The following PRR35 variants were observed in gnomAD, a reference collection of about 807,000 sequenced individuals.
The protein encoded by PRR35 is proline-rich protein 35.
PRR35 carries 14 observed loss-of-function variants against 18.6 expected under a neutral mutation model. The observed-to-expected ratio is 0.75, with a 90% CI of 0.50 to 1.18. PRR35 has a LOEUF of 1.18. Ranked by LOEUF, PRR35 falls within the 50% of genes most tolerant of loss-of-function variation. The pLI is 0.00. For missense variants in PRR35, 832 were observed against 792.2 expected (o/e 1.05, Z -0.60); for synonymous variants, 425 against 378.2 (o/e 1.12, Z -1.43).
Position 562,334 on chromosome 16 carries a change from C to T in PRR35, c.-39-922C>T, listed in dbSNP as rs529623840. ...CCACTCCCCACAGCCTGGCCTGGCCCCACATGAGACTGACCCCCTAAGAGA... is the reference window on the plus strand; with the variant it reads ...CCACTCCCCACAGCCTGGCCTGGCCTCACATGAGACTGACCCCCTAAGAGA... On this transcript the variant is annotated intron_variant, in intron 1 of 2. Transcript: ENST00000409413. 7.6e-4 allele frequency among the ~76,000 whole-genome samples: 116 copies of T among 152,332 alleles called. 1 individual carries two copies. In the Middle Eastern group the frequency reaches 0.01, roughly 13 times the overall value.
chr16:564,279 G>A lies in PRR35; in HGVS notation c.985G>A (p.Ala329Thr), dbSNP rs867393979. ...AGGGCAGGAGGGGGAGCTGGAGCGG[G>A]CAGCCCAGAGTGACCCCAGGAGGAG... is the stretch of plus-strand genomic sequence containing the variant. ...DPGQEGELER[A>T]AQSDPRRRLS... The change falls in exon 2 of 3, where the codon GCA (alanine) becomes ACA (threonine). Residue 329 changes from alanine to threonine, a missense_variant. Coordinates refer to ENST00000409413, the MANE Select transcript of PRR35 (RefSeq NM_145270.3). 1.9e-6 allele frequency: 3 copies of A among 1,576,688 alleles called. No homozygotes were observed. The highest frequency in any genetic ancestry group is 4.6e-5 in the East Asian group (2 of 43,568).
Position 564,139 on chromosome 16 carries a change from C to A in PRR35, c.845C>A (p.Ala282Asp). ...HTLGLPAGKA[A>D]LAKAPVSPRS... The stretch of plus-strand genomic sequence containing the variant: ...CTGGGGCTGCCAGCAGGCAAAGCTG[C>A]CCTTGCCAAGGCCCCTGTCTCCCCC... The change falls in exon 2 of 3, where the codon GCC becomes GAC. Residue 282 changes from alanine to aspartate, a missense_variant. By Grantham distance (126) the Ala-to-Asp change is moderately radical. Transcript: ENST00000409413. The A allele has an allele frequency of 6.3e-7, 1 of 1,575,524 alleles. No homozygotes were observed. The highest frequency in any genetic ancestry group is 8.6e-7 in the Non-Finnish European group (1 of 1,168,630).
At chr16:562,991 TGAC>T (rs2142109014) in intron 1 of PRR35, among the ~76,000 whole-genome samples, 1 of 151,868 alleles carries the variant, frequency 6.6e-6, no homozygotes, top group East Asian at 1.9e-4. Context: ...CACTCAGAAA[TGAC>T]GTGCTGCTGA....
intron 1 of PRR35, among the ~76,000 whole-genome samples, chr16:562,183 G>A (rs898296450): frequency 1.3e-5 from 2 of 152,246 alleles, no homozygotes; most frequent in Non-Finnish European, 2.9e-5. Flanking sequence ...GCGCCGTGTG[G>A]GGCGTGGGGA....
intron 1 of PRR35, among the ~76,000 whole-genome samples, chr16:562,857 CAG>C (rs745954440): frequency 6.6e-6 from 1 of 152,190 alleles, no homozygotes; most frequent in Non-Finnish European, 1.5e-5. Flanking sequence ...GGCCTGGCCT[CAG>C]GGGTGGGGAT....
rs1244116057 is a variant in PRR35, at chr16:563,567, C to A, written c.273C>A (p.Asp91Glu). ...TTPRPHAPTP[D>E]RPGESDPGRQ... is the part of the protein sequence containing the mutation. ...CTAGGCCCCACGCACCCACCCCAGA[C>A]CGCCCTGGGGAGTCCGACCCCGGCA... is the stretch of plus-strand genomic sequence containing the variant. The change falls in exon 2 of 3, where the codon GAC becomes GAA. Residue 91 changes from aspartate (D) to glutamate (E), a missense_variant. Physicochemically the swap from Asp to Glu is conservative, Grantham distance 45 (BLOSUM62 2). Transcript: ENST00000409413. 6.2e-7 allele frequency: 1 copy of A among 1,607,322 alleles called. No homozygotes were observed. The highest frequency in any genetic ancestry group is 1.7e-5 in the Admixed American group (1 of 59,414).
upstream of PRR35, chr16:559,851 G>A (rs2035405743): frequency 4.0e-6 from 3 of 747,740 alleles, no homozygotes; most frequent in Non-Finnish European, 4.9e-6. Context: ...GGAGGGCAGG[G>A]CTCGCCCAGG....
rs951357260 is a variant in PRR35, at chr16:563,649, G to A, written c.355G>A (p.Ala119Thr). 3.7e-5 allele frequency: 58 copies of A among 1,575,892 alleles called. No homozygotes were observed. The highest frequency in any genetic ancestry group is 1.7e-4 in the Middle Eastern group (1 of 5,890). Residue 119 changes from alanine to threonine, a missense_variant, in exon 2 of 3, where the codon GCC (alanine) becomes ACC (threonine). By Grantham distance (58) the Ala-to-Thr change is moderately conservative. Coordinates refer to ENST00000409413, the MANE Select transcript of PRR35 (RefSeq NM_145270.3). ...TGCCCCCGCGCCTGACCTCGTGGTC[G>A]CCGACATCCACTCCCTGCACTGTGG... ...GAAPAPDLVVADIHSLHCGGG... is the reference protein window; with the variant it reads ...GAAPAPDLVVTDIHSLHCGGG...
chr16:562,091 G>C lies in PRR35; in HGVS notation c.-39-1165G>C, dbSNP rs556660568. Reference sequence around the variant, plus strand: ...ACACCCAAAGCCCGTGTGCGCAGGCGTGCTGTGCACCCCACACAGGCGCGT... The same window carrying C: ...ACACCCAAAGCCCGTGTGCGCAGGCCTGCTGTGCACCCCACACAGGCGCGT... On this transcript the variant is annotated intron_variant, in intron 1 of 2. Transcript: ENST00000409413. 2.6e-5 allele frequency among the ~76,000 whole-genome samples: 4 copies of C among 152,376 alleles called. 1 individual carries two copies. The South Asian group carries it at 8.3e-4, about 32-fold the overall frequency.
chr16:564,652 C>G (rs996231588), intron 2 of PRR35, 22 bp from the exon 3 acceptor site: 53 of 1,508,242 alleles, frequency 3.5e-5, no homozygotes, highest in Non-Finnish European at 4.6e-5. Flanking sequence ...GTGCGGCCTC[C>G]TGACCAGCTT....
chr16:560,897 C>T (rs1405283316), intron 1 of PRR35, among the ~76,000 whole-genome samples: 1 of 150,500 alleles, frequency 6.6e-6, no homozygotes. Context: ...TGACCTCGCG[C>T]TCGCCGCACC....
At chr16:563,144 G>A in intron 1 of PRR35, 112 bp from the exon 2 acceptor site, 1 of 1,087,764 alleles carries the variant, frequency 9.2e-7, no homozygotes, top group East Asian at 2.7e-5. Flanking sequence ...AGAGGCGGCG[G>A]GGTGGGGGGA....
rs773611966 is a variant in PRR35 at position 564,917 on chromosome 16, G to A, written c.1326G>A (p.Lys442=). Residue 442 remains lysine, a synonymous_variant, in exon 3 of 3, where the codon AAG becomes AAA. Transcript: ENST00000409413. The part of the protein sequence containing the change: ...APRPLREQLG[K]IRLELLTIHQ... ...GACCCCTGCGGGAGCAGCTGGGCAA[G>A]ATCCGCCTGGAGCTGCTCACCATTC... 2 of 1,598,740 alleles carry A rather than the reference G, an allele frequency of 1.3e-6. No homozygotes were observed. Among genetic ancestry groups the A allele is most frequent in the South Asian group, 2.2e-5 (2 of 89,440 alleles).
intron 1 of PRR35, among the ~76,000 whole-genome samples, chr16:562,021 G>A (rs2035441705): frequency 6.6e-6 from 1 of 152,220 alleles, no homozygotes; most frequent in South Asian, 2.1e-4. Context: ...TGGCTTCTCC[G>A]GGCACTGGGT....
At position 565,140 on chromosome 16, in the gene PRR35, A is replaced by G; in HGVS notation, c.1549A>G (p.Thr517Ala). 6.2e-7 allele frequency: 1 copy of G among 1,608,458 alleles called. No homozygotes were observed. Among genetic ancestry groups the G allele is most frequent in the South Asian group, 1.1e-5 (1 of 90,474 alleles). Residue 517 changes from threonine (T) to alanine (A), a missense_variant, in exon 3 of 3, where the codon ACC becomes GCC. Physicochemically the swap from Thr to Ala is moderately conservative, Grantham distance 58. This residue lies in a region of PRR35 where 768 missense variants were observed against 704.1 expected (regional missense o/e 1.09). Transcript: ENST00000409413. ...AAPQPFSGHTTKCEADSSVPP... is the reference protein window; with the variant it reads ...AAPQPFSGHTAKCEADSSVPP... ...GCCCCAACCCTTCTCTGGCCACACC[A>G]CCAAGTGTGAGGCCGACTCCAGCGT...
chr16:563,558 C>T lies in PRR35; in HGVS notation c.264C>T (p.Pro88=). 1 of 1,608,658 alleles carries T rather than the reference C, an allele frequency of 6.2e-7. No homozygotes were observed. Among genetic ancestry groups the T allele is most frequent in the Non-Finnish European group, 8.5e-7 (1 of 1,178,390 alleles). ...RGSTTPRPHA[P]TPDRPGESDP... ...CCACCACGCCTAGGCCCCACGCACCCACCCCAGACCGCCCTGGGGAGTCCG... is the reference window on the plus strand; with the variant it reads ...CCACCACGCCTAGGCCCCACGCACCTACCCCAGACCGCCCTGGGGAGTCCG... Residue 88 remains proline, a synonymous_variant, in exon 2 of 3, where the codon CCC becomes CCT. Coordinates refer to ENST00000409413, the MANE Select transcript of PRR35 (RefSeq NM_145270.3).
intron 1 of PRR35, among the ~76,000 whole-genome samples, chr16:560,991 GC>G (rs1291113887): frequency 6.6e-6 from 1 of 151,176 alleles, no homozygotes; most frequent in Admixed American, 6.6e-5. Context: ...GCTGCTGGGT[GC>G]CCCCTCCTGC....
chr16:564,323 G>T lies in PRR35; in HGVS notation c.1029G>T (p.Arg343Ser). The change falls in exon 2 of 3, where the codon AGG (arginine) becomes AGT (serine). Residue 343 changes from arginine to serine, a missense_variant. Arg to Ser is a moderately radical substitution (Grantham distance 110). Around this residue, in one of 3 missense-constraint regions of PRR35, gnomAD observed 768 missense variants for 704.1 expected, o/e 1.09. Transcript: ENST00000409413. ...GGAGGAGGCTGTCCCTGGGAAGCAGGCTGGAGCTTCCGAAGGCATCCCCCA... is the reference window on the plus strand; with the variant it reads ...GGAGGAGGCTGTCCCTGGGAAGCAGTCTGGAGCTTCCGAAGGCATCCCCCA... ...DPRRRLSLGS[R>S]LELPKASPSL... 1.3e-6 allele frequency: 2 copies of T among 1,580,838 alleles called. No individual in the cohort carries two copies. The highest frequency in any genetic ancestry group is 1.7e-4 in the Middle Eastern group (1 of 5,858).
Position 564,561 on chromosome 16 carries a change from G to T in PRR35, c.1083-113G>T, listed in dbSNP as rs2035499433. On this transcript the variant is annotated intron_variant, in intron 2 of 2. Transcript: ENST00000409413. ...GCGCGGGGGTCCTCGGGGTCTCCAG[G>T]AGAGCCTAGGCTCTAGGCTGGGGCC... The T allele has an allele frequency of 2.9e-5, 40 of 1,397,912 alleles. 2 individuals are homozygous for T. In the South Asian group the frequency reaches 5.6e-4, roughly 19 times the overall value. 86.6% of individuals were successfully genotyped at this position (1,397,912 alleles called of 1,614,324 possible).
Sources: allele counts gnomAD v4.1 joint callset (sites outside exome capture counted in the v4.1 genomes callset), GRCh38; gene constraint gnomAD v4.1.1; regional missense constraint gnomAD v4.1.1; transcripts MANE v1.5; gene names NCBI Gene and HGNC (gene_info 2026-07-23, HGNC 2026-07-21).